VPS13A: variants seen among roughly 807,000 people sequenced by gnomAD.
VPS13A encodes intermembrane lipid transfer protein VPS13A.
Under a neutral mutation model 390.9 loss-of-function variants are expected in VPS13A, and 264 were observed. The ratio of observed to expected loss-of-function variants is 0.68; its 90% CI spans 0.61 to 0.75. The LOEUF (loss-of-function observed/expected upper bound fraction) is 0.75. Ranked by LOEUF, VPS13A falls within the 30% of genes least tolerant of loss-of-function variation. The probability of loss-of-function intolerance (pLI) is 0.00; values close to 1 mark genes in which losing one functional copy is unlikely to be tolerated. For missense variants in VPS13A, 3,409 were observed against 3,733.9 expected, an observed-to-expected ratio of 0.91 and a Z score of 2.27; for synonymous variants, 1,231 against 1,227.1, an observed-to-expected ratio of 1.00 and a Z score of -0.07.
At chr9:77,257,375 C>T (rs1825507803) in intron 22 of VPS13A, among the ~76,000 whole-genome samples, 1 of 152,150 alleles carries the variant, frequency 6.6e-6, no homozygotes, top group African/African-American at 2.4e-5. Context: ...GCTGGGACTA[C>T]AGGCACACGT....
At chr9:77,195,224 C>T (rs745806858) in intron 1 of VPS13A, among the ~76,000 whole-genome samples, 9 of 152,058 alleles carry the variant, frequency 5.9e-5, no homozygotes, top group African/African-American at 1.4e-4. Context: ...CCCGGGTTCA[C>T]GCCATTCTGC....
chr9:77,314,441 T>G, intron 36 of VPS13A, 54 bp from the exon 37 acceptor site: 1 of 1,538,862 alleles, frequency 6.5e-7, no homozygotes. Flanking sequence ...TATCATGAAA[T>G]ACACTTTAGA....
chr9:77,401,341 G>GTGTGTGTA (rs1834386425), intron 68 of VPS13A, among the ~76,000 whole-genome samples: 1 of 144,192 alleles, frequency 6.9e-6, no homozygotes, highest in Non-Finnish European at 1.5e-5. Flanking sequence ...GTGTGTGTGT[G>GTGTGTGTA]TGTGTGTGTG....
intron 1 of VPS13A, among the ~76,000 whole-genome samples, chr9:77,196,389 CAT>C (rs1438810491): frequency 3.9e-5 from 6 of 152,140 alleles, no homozygotes; most frequent in Non-Finnish European, 7.3e-5. Flanking sequence ...TATTGTTAAC[CAT>C]AGTCACTCTG....
chr9:77,277,790 G>A (rs543492318), intron 26 of VPS13A, among the ~76,000 whole-genome samples: 12 of 152,230 alleles, frequency 7.9e-5, no homozygotes, highest in African/African-American at 2.7e-4. Context: ...TTGTCTGGAT[G>A]CACCACAGTT....
chr9:77,357,561 G>T, intron 55 of VPS13A, 131 bp from the exon 56 acceptor site: 2 of 867,998 alleles, frequency 2.3e-6, no homozygotes, highest in Non-Finnish European at 3.5e-6. Context: ...ATGGACATGG[G>T]ATATTAAGAT....
At chr9:77,368,720 A>T (rs1832580377) in intron 62 of VPS13A, among the ~76,000 whole-genome samples, 1 of 152,346 alleles carries the variant, frequency 6.6e-6, no homozygotes, top group East Asian at 1.9e-4. Context: ...GGTGGTAATG[A>T]CAGTGGTCAC....
chr9:77,381,162 T>C (rs913263175), intron 67 of VPS13A, among the ~76,000 whole-genome samples: 1 of 152,212 alleles, frequency 6.6e-6, no homozygotes, highest in Admixed American at 6.5e-5. Context: ...TGTTTGTTTT[T>C]AGACAGGGTC....
Position 77,369,292 on chromosome 9 carries a change from T to C in VPS13A, c.8554-7T>C. Reference sequence around the variant, plus strand: ...TGAATTGATTAATGTTCATATTTTATTTTTAGGCCATTAAGCAGATGTATG... The same window carrying C: ...TGAATTGATTAATGTTCATATTTTACTTTTAGGCCATTAAGCAGATGTATG... On this transcript the variant is annotated splice_polypyrimidine_tract_variant and splice_region_variant and intron_variant, in intron 62 of 71. Transcript: ENST00000360280. 6.3e-7 allele frequency: 1 copy of C among 1,581,938 alleles called. No individual in the cohort carries two copies. The highest frequency in any genetic ancestry group is 8.7e-7 in the Non-Finnish European group (1 of 1,150,704).
intron 59 of VPS13A, among the ~76,000 whole-genome samples, chr9:77,363,732 T>C (rs1055456463): frequency 5.3e-5 from 8 of 152,224 alleles, no homozygotes; most frequent in Non-Finnish European, 1.2e-4. Flanking sequence ...TCAATGACTT[T>C]CCTTTTAGTT....
chr9:77,240,816 T>C (rs1824445402), intron 19 of VPS13A, among the ~76,000 whole-genome samples: 1 of 152,122 alleles, frequency 6.6e-6, no homozygotes. Flanking sequence ...GAATTAAAGG[T>C]TGATGTTCAT....
intron 7 of VPS13A, chr9:77,211,512 CTTT>C (rs1201753184): frequency 6.6e-6 from 1 of 151,940 alleles, no homozygotes; most frequent in Non-Finnish European, 1.5e-5. Flanking sequence ...TGTAAGATTT[CTTT>C]TTAATTTTAT....
chr9:77,233,042 T>A (rs939936877), intron 17 of VPS13A, among the ~76,000 whole-genome samples: 1 of 152,218 alleles, frequency 6.6e-6, no homozygotes, highest in Non-Finnish European at 1.5e-5. Flanking sequence ...ATAAGTAGGA[T>A]CTGTAGGTTA....
chr9:77,385,013 ATTTG>A (rs1324169508), intron 68 of VPS13A: 1 of 1,039,882 alleles, frequency 9.6e-7, no homozygotes, highest in Non-Finnish European at 1.2e-6. Flanking sequence ...TTGCCTTCTT[ATTTG>A]TTAGCAAAAT....
At chr9:77,231,275 A>G (rs1356373732) in intron 17 of VPS13A, among the ~76,000 whole-genome samples, 1 of 151,980 alleles carries the variant, frequency 6.6e-6, no homozygotes, top group Non-Finnish European at 1.5e-5. Context: ...TTAAATAGAG[A>G]TTATGAGAGT....
At position 77,284,850 on chromosome 9, in the gene VPS13A, C is replaced by T. The variant is rs143338521; in HGVS notation, c.3339+1200C>T. On this transcript the variant is annotated intron_variant, in intron 31 of 71. Coordinates refer to ENST00000360280, the MANE Select transcript of VPS13A (RefSeq NM_033305.3). Reference sequence around the variant, plus strand: ...TCGTGAGTGGCTGGGATTACAGGTGCGCACAACCACACCCAACTAATTTTT... The same window carrying T: ...TCGTGAGTGGCTGGGATTACAGGTGTGCACAACCACACCCAACTAATTTTT... Among the ~76,000 whole-genome samples the T allele has an allele frequency of 8.6e-4, 130 of 151,842 alleles. 4 individuals carry two copies. In the East Asian group the frequency reaches 0.023, roughly 26 times the overall value.
At position 77,245,289 on chromosome 9, in the gene VPS13A, A is replaced by G. The variant is rs143524789; in HGVS notation, c.1901-1970A>G. 3.5e-3 allele frequency among the ~76,000 whole-genome samples: 538 copies of G among 152,354 alleles called. 1 individual carries two copies. The highest frequency in any genetic ancestry group is 0.013 in the African/African-American group (522 of 41,578). ...AGGGAGTACCAGAACTTAGATTTGTAGAAGCCAGAATACTTGAGGAATCCT... is the reference window on the plus strand; with the variant it reads ...AGGGAGTACCAGAACTTAGATTTGTGGAAGCCAGAATACTTGAGGAATCCT... On this transcript the variant is annotated intron_variant, in intron 19 of 71. Coordinates refer to ENST00000360280, the MANE Select transcript of VPS13A (RefSeq NM_033305.3).
chr9:77,265,268 G>T (rs1196535459), intron 23 of VPS13A, among the ~76,000 whole-genome samples: 6 of 152,104 alleles, frequency 3.9e-5, no homozygotes, highest in Non-Finnish European at 7.4e-5. Context: ...TTTTTTGTGT[G>T]TGTCTCTGCC....
chr9:77,382,325 G>T (rs1377246599), intron 68 of VPS13A: 2 of 1,541,754 alleles, frequency 1.3e-6, no homozygotes, highest in East Asian at 4.7e-5. Flanking sequence ...CTTTGCAAGT[G>T]AAAGCCAACA....
Sources: gnomAD v4.1 joint callset for allele counts (sites outside exome capture counted in the v4.1 genomes callset) on GRCh38, gnomAD v4.1.1 for gene constraint, MANE v1.5 for transcripts, NCBI Gene and HGNC (gene_info 2026-07-23, HGNC 2026-07-21) for gene names.